Variants in ZMAT5 observed in about 807,000 individuals in gnomAD.
ZMAT5 encodes zinc finger matrin-type protein 5.
A neutral mutation model predicts 28.0 loss-of-function variants in ZMAT5; 23 were observed. The observed-to-expected ratio is 0.82, with a 90% CI of 0.59 to 1.16. The LOEUF (loss-of-function observed/expected upper bound fraction) is 1.16. Ranked by LOEUF, ZMAT5 falls within the 50% of genes most tolerant of loss-of-function variation. The pLI is 0.00. For synonymous variants in ZMAT5, 76 were observed against 84.1 expected, an observed-to-expected ratio of 0.90 and a Z score of 0.52; for missense variants, 173 against 212.7, an observed-to-expected ratio of 0.81 and a Z score of 1.16.
At position 29,741,910 on chromosome 22, in the gene ZMAT5, TC is replaced by T. The variant is rs369233457; in HGVS notation, c.190+507del. On this transcript the variant is annotated intron_variant, in intron 3 of 5. Transcript: ENST00000344318. Reference sequence around the variant, plus strand: ...CTCAAGCATTCCTTCCACCTCAGCCTCCCAAAGTACTGGGATTACAAGAGTG... The same window carrying T: ...CTCAAGCATTCCTTCCACCTCAGCCTCCAAAGTACTGGGATTACAAGAGTG... 5.2e-3 allele frequency among the ~76,000 whole-genome samples: 795 copies of T among 152,302 alleles called. 6 individuals are homozygous for T. Among genetic ancestry groups the T allele is most frequent in the Non-Finnish European group, 9.0e-3 (610 of 68,022 alleles).
At position 29,757,048 on chromosome 22, in the gene ZMAT5, A is replaced by G. The variant is rs528210588; in HGVS notation, c.-27-8477T>C. On this transcript the variant is annotated intron_variant, in intron 1 of 5. Transcript: ENST00000344318. ...AGCGAGACTATCTCAAAAAATATAT[A>G]TATTTTTTAATTAAAAAATTAGCTA... Among the ~76,000 whole-genome samples the G allele has an allele frequency of 9.2e-5, 14 of 151,590 alleles. 1 individual carries two copies. Among genetic ancestry groups the G allele is most frequent in the African/African-American group, 2.9e-4 (12 of 41,220 alleles).
intron 5 of ZMAT5, among the ~76,000 whole-genome samples, chr22:29,735,754 A>G (rs895241680): frequency 1.3e-5 from 2 of 152,180 alleles, no homozygotes; most frequent in African/African-American, 2.4e-5. Flanking sequence ...ACCAAACTCA[A>G]TTCTCATATG....
intron 1 of ZMAT5, among the ~76,000 whole-genome samples, chr22:29,766,633 C>T (rs1474902369): frequency 6.6e-6 from 1 of 152,192 alleles, no homozygotes; most frequent in Non-Finnish European, 1.5e-5. Context: ...CGGTGCGAAG[C>T]CCAGGGGTGA....
intron 3 of ZMAT5, 101 bp downstream of exon 3, chr22:29,742,317 A>C: frequency 1.6e-6 from 2 of 1,217,688 alleles, no homozygotes; most frequent in Non-Finnish European, 2.4e-6. Context: ...TGGGCTTGGG[A>C]TGGTGGCCCG....
intron 1 of ZMAT5, among the ~76,000 whole-genome samples, chr22:29,757,592 C>T (rs1334349859): frequency 6.6e-6 from 1 of 152,236 alleles, no homozygotes; most frequent in East Asian, 1.9e-4. Context: ...AGCCAGCCTC[C>T]AAGCCCCCAG....
At chr22:29,742,617 G>A (rs1012757396) in intron 2 of ZMAT5, 137 bp from the exon 3 acceptor site, 2 of 796,626 alleles carry the variant, frequency 2.5e-6, no homozygotes, top group Non-Finnish European at 4.0e-6. Flanking sequence ...TTCCACGGAG[G>A]AGTGGAAGCA....
At chr22:29,736,163 A>G (rs564503766) in intron 5 of ZMAT5, among the ~76,000 whole-genome samples, 52 of 152,334 alleles carry the variant, frequency 3.4e-4, no homozygotes, top group Non-Finnish European at 6.9e-4. Context: ...GCCTCCAACC[A>G]GCTCAAGCCT....
intron 4 of ZMAT5, among the ~76,000 whole-genome samples, chr22:29,739,757 C>T (rs1281599191): frequency 6.6e-6 from 1 of 152,260 alleles, no homozygotes; most frequent in Non-Finnish European, 1.5e-5. Context: ...GCTGGCCAGT[C>T]CCACAAGGCC....
intron 1 of ZMAT5, among the ~76,000 whole-genome samples, chr22:29,752,823 G>A (rs1017002635): frequency 1.3e-5 from 2 of 152,182 alleles, no homozygotes; most frequent in Non-Finnish European, 2.9e-5. Context: ...GATTACAGTC[G>A]AGAGCCACCG....
intron 3 of ZMAT5, 138 bp from the exon 4 acceptor site, chr22:29,740,868 A>C (rs565277656): frequency 1.3e-6 from 1 of 745,114 alleles, no homozygotes; most frequent in East Asian, 2.7e-5. Flanking sequence ...TCCGGGACAG[A>C]AAATGGAATC....
intron 1 of ZMAT5, among the ~76,000 whole-genome samples, chr22:29,765,044 G>A (rs983850603): frequency 6.6e-6 from 1 of 152,150 alleles, no homozygotes; most frequent in African/African-American, 2.4e-5. Flanking sequence ...ACCTCCACTT[G>A]ATGTCTGTTG....
intron 1 of ZMAT5, among the ~76,000 whole-genome samples, chr22:29,766,027 GA>G (rs1418653052): frequency 6.6e-6 from 1 of 152,094 alleles, no homozygotes; most frequent in African/African-American, 2.4e-5. Context: ...AGTGCAACTA[GA>G]AAAAGACAAG....
intron 2 of ZMAT5, among the ~76,000 whole-genome samples, chr22:29,744,833 G>A (rs1007045386): frequency 1.3e-5 from 2 of 152,198 alleles, no homozygotes; most frequent in South Asian, 2.1e-4. Flanking sequence ...AAAGCTCCTC[G>A]GTGACTCTGA....
At chr22:29,731,510 T>G in intron 5 of ZMAT5, 156 bp from the exon 6 acceptor site, 1 of 985,486 alleles carries the variant, frequency 1.0e-6, no homozygotes, top group Non-Finnish European at 1.4e-6. Flanking sequence ...GGCAGACCGT[T>G]TGAGCCAGCG....
chr22:29,735,997 C>T (rs937241320), intron 5 of ZMAT5, among the ~76,000 whole-genome samples: 8 of 152,196 alleles, frequency 5.3e-5, no homozygotes, highest in South Asian at 2.1e-4. Flanking sequence ...AAGAGACAGC[C>T]GGGCCTCTGT....
At chr22:29,743,483 T>G (rs539830906) in intron 2 of ZMAT5, among the ~76,000 whole-genome samples, 4 of 152,330 alleles carry the variant, frequency 2.6e-5, no homozygotes, top group African/African-American at 7.2e-5. Flanking sequence ...CAGGCTGGAG[T>G]GCAGCGGCAT....
At chr22:29,734,719 C>A (rs2067887665) in intron 5 of ZMAT5, among the ~76,000 whole-genome samples, 1 of 152,208 alleles carries the variant, frequency 6.6e-6, no homozygotes, top group Non-Finnish European at 1.5e-5. Context: ...ACAAATGATG[C>A]CTCATCTAAG....
At chr22:29,734,794 C>T (rs982143986) in intron 5 of ZMAT5, among the ~76,000 whole-genome samples, 3 of 152,002 alleles carry the variant, frequency 2.0e-5, no homozygotes, top group South Asian at 2.1e-4. Flanking sequence ...AGGTGAGATC[C>T]GACTGGCTGC....
intron 1 of ZMAT5, among the ~76,000 whole-genome samples, chr22:29,752,533 A>G (rs1247706205): frequency 2.0e-5 from 3 of 151,942 alleles, no homozygotes; most frequent in East Asian, 1.9e-4. Context: ...ATGGGTCAAC[A>G]CGACCCCACA....
Sources: gnomAD v4.1 joint callset for allele counts (sites outside exome capture counted in the v4.1 genomes callset) on GRCh38, gnomAD v4.1.1 for gene constraint, MANE v1.5 for transcripts, NCBI Gene and HGNC (gene_info 2026-07-23, HGNC 2026-07-21) for gene names.